The following DGKK variants were observed in gnomAD, a reference collection of about 807,000 sequenced individuals.
DGKK encodes the protein diacylglycerol kinase kappa, also known as 142 kDa diacylglycerol kinase.
In DGKK, 35 loss-of-function variants were observed where a neutral mutation model predicts 92.2. The ratio of observed to expected loss-of-function variants is 0.38; its 90% confidence interval spans 0.29 to 0.50. DGKK has a LOEUF of 0.50. Among genes scored for constraint, DGKK ranks in the 20% least tolerant of loss-of-function variants. The pLI is 0.92. For synonymous variants in DGKK, 368 were observed against 360.6 expected, an observed-to-expected ratio of 1.02 and a Z score of -0.23; for missense variants, 910 against 992.2, an observed-to-expected ratio of 0.92 and a Z score of 1.11.
intron 8 of DGKK, among the ~76,000 whole-genome samples, chrX:50,399,970 G>A (rs1245219060): frequency 2.7e-5 from 3 of 111,930 alleles, no homozygotes; most frequent in Admixed American, 9.5e-5. Flanking sequence ...TAGGAGACTA[G>A]ATATTTAGTT....
At chrX:50,451,259 T>A (rs1025411222) in intron 1 of DGKK, among the ~76,000 whole-genome samples, 4 of 111,496 alleles carry the variant, frequency 3.6e-5, no homozygotes, top group African/African-American at 1.3e-4. Flanking sequence ...AGACTCCAAG[T>A]GAAAAGAGCT....
intron 1 of DGKK, among the ~76,000 whole-genome samples, chrX:50,465,669 G>A (rs1926882825): frequency 9.0e-6 from 1 of 110,837 alleles, no homozygotes; most frequent in Non-Finnish European, 1.9e-5. Context: ...ATCAGAAGTG[G>A]AGCAGCAACC....
intron 1 of DGKK, among the ~76,000 whole-genome samples, chrX:50,438,014 CA>C (rs781997485): frequency 4.6e-5 from 5 of 108,305 alleles, no homozygotes; most frequent in South Asian, 8.1e-4. Flanking sequence ...CACACACACA[CA>C]AAAAAAAAGC....
intron 25 of DGKK, among the ~76,000 whole-genome samples, chrX:50,372,710 G>A (rs1557223377): frequency 8.9e-6 from 1 of 112,107 alleles, no homozygotes; most frequent in Non-Finnish European, 1.9e-5. Context: ...GGATTCTTTT[G>A]GGACCATCTT....
At chrX:50,469,324 C>T (rs1237212139) in intron 1 of DGKK, among the ~76,000 whole-genome samples, 1 of 112,492 alleles carries the variant, frequency 8.9e-6, no homozygotes, top group Non-Finnish European at 1.9e-5. Flanking sequence ...TGTATCACTG[C>T]GTTTGCACCT....
chrX:50,465,639 T>C (rs1227682419), intron 1 of DGKK, among the ~76,000 whole-genome samples: 1 of 111,133 alleles, frequency 9.0e-6, no homozygotes, highest in Admixed American at 9.6e-5. Flanking sequence ...TCCTCTTCTA[T>C]GCTGGCCCCC....
At chrX:50,442,137 A>G (rs782780721) in intron 1 of DGKK, among the ~76,000 whole-genome samples, 23 of 111,615 alleles carry the variant, frequency 2.1e-4, no homozygotes, top group Non-Finnish European at 4.2e-4. Context: ...TAAGAGCTAA[A>G]AAATATGTGA....
chrX:50,414,210 A>G (rs1925371916), intron 4 of DGKK, among the ~76,000 whole-genome samples: 4 of 111,439 alleles, frequency 3.6e-5, no homozygotes, highest in African/African-American at 1.3e-4. Flanking sequence ...GGAGGAGGGA[A>G]TGGGGATATC....
intron 1 of DGKK, among the ~76,000 whole-genome samples, chrX:50,447,338 ATATATT>A: frequency 6.5e-5 from 1 of 15,420 alleles, no homozygotes; most frequent in Non-Finnish European, 9.5e-5. Flanking sequence ...ATATATATAT[ATATATT>A]ATATATATAT....
At chrX:50,394,635 G>A (rs1924794605) in intron 8 of DGKK, among the ~76,000 whole-genome samples, 1 of 112,276 alleles carries the variant, frequency 8.9e-6, no homozygotes, top group Non-Finnish European at 1.9e-5. Flanking sequence ...CAATAAATAT[G>A]TATGGAGGGC....
At chrX:50,424,391 G>T (rs782390774) in intron 1 of DGKK, 33 bp from the exon 2 acceptor site, 4 of 1,136,061 alleles carry the variant, frequency 3.5e-6, no homozygotes, top group Non-Finnish European at 4.8e-6. Flanking sequence ...TGAGCAATTA[G>T]ATCAATTCAT....
chrX:50,371,758 T>C lies in DGKK; in HGVS notation c.3578A>G (p.Glu1193Gly). Reference protein sequence around the residue: ...AMNKEFKKLSEIDWMNPIFVP... With the variant: ...AMNKEFKKLSGIDWMNPIFVP... ...AAAGATTGGATTCATCCAGTCAATCTCAGATAGCTTTTTGAACTCCTTATT... is the reference window on the plus strand; with the variant it reads ...AAAGATTGGATTCATCCAGTCAATCCCAGATAGCTTTTTGAACTCCTTATT... Residue 1193 changes from glutamate (E) to glycine (G), a missense_variant, in exon 26 of 28, where the codon GAG becomes GGG. Transcript: ENST00000611977. 8.3e-6 allele frequency: 10 copies of C among 1,207,265 alleles called. No homozygotes were observed. Among genetic ancestry groups the C allele is most frequent in the Non-Finnish European group, 1.0e-5 (9 of 892,677 alleles).
chrX:50,393,041 C>A (rs782489933), intron 9 of DGKK, 111 bp downstream of exon 9: 2 of 651,999 alleles, frequency 3.1e-6, no homozygotes, highest in African/African-American at 2.2e-5. Context: ...AGAAAATAGA[C>A]CTTTCCTGCC....
At chrX:50,387,390 G>C (rs1036141884) in intron 14 of DGKK, among the ~76,000 whole-genome samples, 164 bp downstream of exon 14, 5 of 111,542 alleles carry the variant, frequency 4.5e-5, no homozygotes, top group African/African-American at 1.6e-4. Flanking sequence ...TTTAGCAAAA[G>C]ATGGAAGTTC....
At chrX:50,370,382 T>G in intron 27 of DGKK, 44 bp downstream of exon 27, 1 of 1,162,283 alleles carries the variant, frequency 8.6e-7, no homozygotes, top group Non-Finnish European at 1.2e-6. Flanking sequence ...GCCAGGCTGT[T>G]GGGGGAAGTC....
intron 1 of DGKK, among the ~76,000 whole-genome samples, chrX:50,445,293 C>T (rs1388024837): frequency 9.1e-6 from 1 of 110,354 alleles, no homozygotes; most frequent in Non-Finnish European, 1.9e-5. Flanking sequence ...AATTAGATCC[C>T]GTTTGTCAAA....
chrX:50,380,823 G>A (rs1924396020), intron 18 of DGKK, among the ~76,000 whole-genome samples: 1 of 111,772 alleles, frequency 8.9e-6, no homozygotes, highest in Non-Finnish European at 1.9e-5. Context: ...AATGAGTTTT[G>A]AAATGTCAGA....
rs782570638 is a variant in DGKK at position 50,403,061 on chromosome X, C to T, written c.1308G>A (p.Thr436=). The T allele has an allele frequency of 4.1e-6, 5 of 1,208,268 alleles. No individual in the cohort carries two copies. Among genetic ancestry groups the T allele is most frequent in the Non-Finnish European group, 3.4e-6 (3 of 894,390 alleles). Reference sequence around the variant, plus strand: ...AATATCAAGATGAGAAGAGTCTTACCGTAGAATTACACCACAGGCAGCGGA... The same window carrying T: ...AATATCAAGATGAGAAGAGTCTTACTGTAGAATTACACCACAGGCAGCGGA... ...QDFRCLWCNS[T]VHDDCRRRFS... is the part of the protein sequence containing the mutation. Residue 436 remains threonine, a splice_region_variant and synonymous_variant, in exon 7 of 28, where the codon ACG becomes ACA. Coordinates refer to ENST00000611977, the MANE Select transcript of DGKK (RefSeq NM_001013742.4).
At chrX:50,386,720 C>T (rs1237791689) in intron 14 of DGKK, 134 bp from the exon 15 acceptor site, 1 of 501,421 alleles carries the variant, frequency 2.0e-6, no homozygotes, top group Non-Finnish European at 3.3e-6. Flanking sequence ...CATAGAAAAC[C>T]ACATGTGAGA....
Sources: allele counts gnomAD v4.1 joint callset (sites outside exome capture counted in the v4.1 genomes callset), GRCh38; gene constraint gnomAD v4.1.1; transcripts MANE v1.5; gene names NCBI Gene and HGNC (gene_info 2026-07-23, HGNC 2026-07-21).